The following ADCY2 variants were observed in gnomAD, a reference collection of about 807,000 sequenced individuals.
ADCY2 encodes the protein adenylate cyclase 2.
Under a neutral mutation model 125.2 loss-of-function variants are expected in ADCY2, and 31 were observed. The ratio of observed to expected loss-of-function variants is 0.25; its 90% CI spans 0.19 to 0.33. The LOEUF (loss-of-function observed/expected upper bound fraction) is 0.33. ADCY2 is among the 10% of genes least tolerant of loss of function. The pLI is 1.00. For missense variants in ADCY2, 904 were observed against 1,418.2 expected (o/e 0.64, Z 5.82); for synonymous variants, 512 against 548.4 (o/e 0.93, Z 0.93).
chr5:7,731,253 A>ATT (rs34190695), intron 14 of ADCY2, among the ~76,000 whole-genome samples: 22 of 136,688 alleles, frequency 1.6e-4, no homozygotes, highest in South Asian at 2.4e-4. Flanking sequence ...TTCCTTGCAG[A>ATT]TTTTTTTTTT....
At chr5:7,410,967 G>C (rs1375753158) in intron 1 of ADCY2, among the ~76,000 whole-genome samples, 3 of 152,072 alleles carry the variant, frequency 2.0e-5, no homozygotes, top group African/African-American at 7.2e-5. Context: ...TGTCATCCTA[G>C]GTCTGAGAGT....
At position 7,820,669 on chromosome 5, in the gene ADCY2, G is replaced by A. The variant is rs926516464; in HGVS notation, c.3103G>A (p.Gly1035Arg). The part of the protein sequence containing the change: ...VNVASRMDST[G>R]VLDKIQVTEE... Reference sequence around the variant, plus strand: ...TGTGGCCAGTAGGATGGACAGCACCGGAGTCCTGGACAAAATACAGGTAAT... The same window carrying A: ...TGTGGCCAGTAGGATGGACAGCACCAGAGTCCTGGACAAAATACAGGTAAT... Residue 1035 changes from glycine (G) to arginine (R), a missense_variant, in exon 24 of 25, where the codon GGA becomes AGA. By Grantham distance (125) the Gly-to-Arg change is moderately radical. Transcript: ENST00000338316. 4.3e-6 allele frequency: 7 copies of A among 1,613,694 alleles called. No individual in the cohort carries two copies. The Admixed American group carries it at 6.7e-5, about 15-fold the overall frequency.
At chr5:7,747,555 G>C (rs909350039) in intron 15 of ADCY2, among the ~76,000 whole-genome samples, 4 of 152,172 alleles carry the variant, frequency 2.6e-5, no homozygotes, top group Admixed American at 1.3e-4. Context: ...ACGTGGATGA[G>C]AGAAGGAATG....
intron 24 of ADCY2, among the ~76,000 whole-genome samples, 177 bp downstream of exon 24, chr5:7,820,866 TAAC>T (rs986178379): frequency 6.6e-6 from 1 of 152,198 alleles, no homozygotes; most frequent in African/African-American, 2.4e-5. Context: ...TATTGACTGT[TAAC>T]AACAACAACA....
chr5:7,597,906 G>A (rs190822780), intron 3 of ADCY2, among the ~76,000 whole-genome samples: 15 of 152,244 alleles, frequency 9.9e-5, no homozygotes, highest in Admixed American at 3.3e-4. Context: ...GCTTGGGGGT[G>A]GAAAAATCCT....
At chr5:7,564,848 C>G (rs1248432595) in intron 3 of ADCY2, among the ~76,000 whole-genome samples, 3 of 152,088 alleles carry the variant, frequency 2.0e-5, no homozygotes, top group Non-Finnish European at 4.4e-5. Context: ...CTTGAGGATT[C>G]ACAAAAATAA....
intron 1 of ADCY2, among the ~76,000 whole-genome samples, chr5:7,412,629 G>T (rs1033891091): frequency 1.3e-5 from 2 of 152,340 alleles, no homozygotes; most frequent in African/African-American, 4.8e-5. Flanking sequence ...TGGAGGGAGA[G>T]AAAAAGAACA....
At chr5:7,453,768 C>A (rs1434883752) in intron 2 of ADCY2, among the ~76,000 whole-genome samples, 1 of 152,150 alleles carries the variant, frequency 6.6e-6, no homozygotes, top group Non-Finnish European at 1.5e-5. Context: ...TTTGCATGCA[C>A]AGTGGCCTGC....
chr5:7,577,254 T>C (rs1274466151), intron 3 of ADCY2, among the ~76,000 whole-genome samples: 1 of 151,966 alleles, frequency 6.6e-6, no homozygotes, highest in Non-Finnish European at 1.5e-5. Context: ...TCAGAAAGAG[T>C]CTTTCAATTT....
rs140759774 is a variant in ADCY2 at position 7,751,739 on chromosome 5, G to A, written c.1957-5710G>A. Among the ~76,000 whole-genome samples the A allele has an allele frequency of 4.7e-4, 71 of 152,168 alleles. 1 individual carries two copies. Among genetic ancestry groups the A allele is most frequent in the African/African-American group, 1.6e-3 (66 of 41,500 alleles). On this transcript the variant is annotated intron_variant, in intron 15 of 24. Coordinates refer to ENST00000338316, the MANE Select transcript of ADCY2 (RefSeq NM_020546.3). ...AAGAGTCTTAGTTGCAGCTGTCCAC[G>A]TTTGGCTGGCCCAAGGAAATATCTT...
intron 2 of ADCY2, among the ~76,000 whole-genome samples, chr5:7,432,132 A>C (rs534169940): frequency 6.6e-6 from 1 of 151,880 alleles, no homozygotes; most frequent in Non-Finnish European, 1.5e-5. Flanking sequence ...AGCTTTGGAG[A>C]GGAGTCCGGC....
chr5:7,525,670 T>A (rs1304270801), intron 3 of ADCY2, among the ~76,000 whole-genome samples: 7 of 151,968 alleles, frequency 4.6e-5, no homozygotes, highest in Admixed American at 3.9e-4. Flanking sequence ...TGTGTGTGTG[T>A]GTGTGTGTGT....
intron 4 of ADCY2, among the ~76,000 whole-genome samples, chr5:7,656,650 G>A (rs1739342038): frequency 6.6e-6 from 1 of 152,204 alleles, no homozygotes; most frequent in African/African-American, 2.4e-5. Context: ...TCGAACCAGA[G>A]TACAGAATTC....
At chr5:7,654,014 G>A (rs1739197128) in intron 4 of ADCY2, 1 of 455,760 alleles carries the variant, frequency 2.2e-6, no homozygotes. Context: ...ACGTCTAGAG[G>A]TCATGGACCT....
At chr5:7,548,476 T>C (rs1220848233) in intron 3 of ADCY2, among the ~76,000 whole-genome samples, 2 of 151,446 alleles carry the variant, frequency 1.3e-5, no homozygotes, top group African/African-American at 4.9e-5. Context: ...GAGTAAAGAT[T>C]TGTAGCAAAT....
At chr5:7,548,302 T>C (rs925557762) in intron 3 of ADCY2, among the ~76,000 whole-genome samples, 1 of 151,888 alleles carries the variant, frequency 6.6e-6, no homozygotes, top group Non-Finnish European at 1.5e-5. Context: ...ACTTTGTAAA[T>C]ATATTTTTAT....
At chr5:7,549,836 C>CT (rs1198235025) in intron 3 of ADCY2, among the ~76,000 whole-genome samples, 1 of 152,164 alleles carries the variant, frequency 6.6e-6, no homozygotes, top group Non-Finnish European at 1.5e-5. Context: ...CCGGAAGTGG[C>CT]TTTCTCCAGC....
At chr5:7,592,820 C>A (rs1465714768) in intron 3 of ADCY2, among the ~76,000 whole-genome samples, 1 of 152,132 alleles carries the variant, frequency 6.6e-6, no homozygotes, top group African/African-American at 2.4e-5. Flanking sequence ...GAAAACCCTC[C>A]TTTAACTGTG....
At chr5:7,809,860 A>T (rs1431135017) in intron 22 of ADCY2, among the ~76,000 whole-genome samples, 3 of 152,268 alleles carry the variant, frequency 2.0e-5, no homozygotes, top group African/African-American at 7.2e-5. Flanking sequence ...GTTGCATTAC[A>T]TGTAAGAACT....
Sources: allele counts gnomAD v4.1 joint callset (sites outside exome capture counted in the v4.1 genomes callset), GRCh38; gene constraint gnomAD v4.1.1; transcripts MANE v1.5; gene names NCBI Gene and HGNC (gene_info 2026-07-23, HGNC 2026-07-21).